The following TAB3 variants were observed in gnomAD, a reference collection of about 807,000 sequenced individuals.
The protein encoded by TAB3 is TGF-beta-activated kinase 1 and MAP3K7-binding protein 3.
TAB3 carries 18 observed loss-of-function variants against 48.1 expected under a neutral mutation model. The ratio of observed to expected loss-of-function variants is 0.37; its 90% confidence interval spans 0.26 to 0.55. The LOEUF (loss-of-function observed/expected upper bound fraction) is 0.55. Among genes scored for constraint, TAB3 ranks in the 20% least tolerant of loss-of-function variants. The probability of loss-of-function intolerance (pLI) is 0.78; values close to 1 mark genes in which losing one functional copy is unlikely to be tolerated. For missense variants in TAB3, 414 were observed against 549.8 expected, an observed-to-expected ratio of 0.75 and a Z score of 2.47; for synonymous variants, 185 against 190.2, an observed-to-expected ratio of 0.97 and a Z score of 0.22.
At chrX:30,840,149 C>A (rs1938390296) in intron 9 of TAB3, among the ~76,000 whole-genome samples, 1 of 108,864 alleles carries the variant, frequency 9.2e-6, no homozygotes, top group African/African-American at 3.3e-5. Context: ...AATTTGTGTT[C>A]TCTTTTTTTA....
chrX:30,859,794 C>T, intron 4 of TAB3, 116 bp from the exon 5 acceptor site: 1 of 410,897 alleles, frequency 2.4e-6, no homozygotes, highest in Non-Finnish European at 4.2e-6. Flanking sequence ...CTTCCACTGA[C>T]ACTCCTTCTT....
chrX:30,851,558 T>C (rs1486182022), intron 7 of TAB3, among the ~76,000 whole-genome samples: 3 of 112,220 alleles, frequency 2.7e-5, no homozygotes, highest in African/African-American at 6.5e-5. Flanking sequence ...ATGAAAGCTA[T>C]AGACCCACTT....
intron 2 of TAB3, among the ~76,000 whole-genome samples, chrX:30,870,743 T>G (rs973982869): frequency 1.8e-5 from 2 of 112,455 alleles, no homozygotes; most frequent in African/African-American, 6.5e-5. Flanking sequence ...TATTTTTGGT[T>G]GTCATACTGA....
At chrX:30,855,704 G>C in intron 5 of TAB3, 142 bp from the exon 6 acceptor site, 1 of 562,290 alleles carries the variant, frequency 1.8e-6, no homozygotes, top group African/African-American at 2.3e-5. Flanking sequence ...AAAACTTCAT[G>C]GTCATCTATC....
intron 9 of TAB3, among the ~76,000 whole-genome samples, chrX:30,838,246 G>T (rs945861122): frequency 9.1e-5 from 10 of 110,485 alleles, no homozygotes; most frequent in African/African-American, 3.3e-4. Flanking sequence ...TATAGGTGAG[G>T]CTGCAATGAG....
intron 1 of TAB3, among the ~76,000 whole-genome samples, chrX:30,886,638 C>G (rs748133996): frequency 8.9e-6 from 1 of 112,374 alleles, no homozygotes; most frequent in Admixed American, 9.4e-5. Context: ...GCAGCAAACC[C>G]CAAATTTCAA....
chrX:30,856,878 A>G lies in TAB3; in HGVS notation c.103-1316T>C, dbSNP rs191093776. On this transcript the variant is annotated intron_variant, in intron 5 of 10. Transcript: ENST00000288422. ...ACTTAACTAGTTAACAGAAAAGCCA[A>G]TTCTAGATTCTTATTCTCCTGAGTC... 6.9e-3 allele frequency among the ~76,000 whole-genome samples: 766 copies of G among 111,513 alleles called. 3 individuals are homozygous for G. Among genetic ancestry groups the G allele is most frequent in the Non-Finnish European group, 0.011 (584 of 53,005 alleles).
intron 5 of TAB3, 131 bp from the exon 6 acceptor site, chrX:30,855,693 A>G (rs965911699): frequency 4.7e-6 from 3 of 633,209 alleles, no homozygotes; most frequent in Admixed American, 4.1e-5. Context: ...TTTAACCACA[A>G]AAAACTTCAT....
intron 9 of TAB3, 92 bp from the exon 10 acceptor site, chrX:30,834,244 C>G (rs746541627): frequency 3.8e-5 from 29 of 753,882 alleles, no homozygotes; most frequent in Non-Finnish European, 5.3e-5. Flanking sequence ...GCAACCCACA[C>G]AGCTGAGTGC....
In TAB3 at chrX:30,828,794, ATTTATATC is replaced by A. The variant is rs1455652087; in HGVS notation, c.*2625_*2632del. On this transcript the variant is annotated 3_prime_UTR_variant, in exon 11 of 11. Coordinates refer to ENST00000288422, the MANE Select transcript of TAB3 (RefSeq NM_152787.5). ...CACCTCAGCAGCCAGGCGTCATCCG[ATTTATATC>A]CTACCACTTCCATGCCAATTGTCTG... 2.7e-5 allele frequency: 3 copies of A among 111,953 alleles called. No homozygotes were observed. Among genetic ancestry groups the A allele is most frequent in the African/African-American group, 9.7e-5 (3 of 30,775 alleles). The allele number at this position is 111,953 out of a possible 1,213,427, so 9.2% of individuals were successfully genotyped here.
At chrX:30,849,434 C>T (rs1398789670) in intron 7 of TAB3, among the ~76,000 whole-genome samples, 1 of 112,341 alleles carries the variant, frequency 8.9e-6, no homozygotes, top group East Asian at 2.8e-4. Context: ...GTATATACTG[C>T]CTGATAAGCA....
In TAB3 at chrX:30,831,174, TCA is replaced by T. The variant is rs1938020131; in HGVS notation, c.*251_*252del. ...TCTTGACTTCTGTGTGTACATTCTT[TCA>T]CAGAGTGAATCCTTTCCCAGTTTCA... is the stretch of plus-strand genomic sequence containing the variant. On this transcript the variant is annotated 3_prime_UTR_variant, in exon 11 of 11. Coordinates refer to ENST00000288422, the MANE Select transcript of TAB3 (RefSeq NM_152787.5). The T allele has an allele frequency of 3.3e-6, 1 of 302,498 alleles. No individual in the cohort carries two copies. 24.9% of individuals were successfully genotyped at this position (302,498 alleles called of 1,213,427 possible). A position where few individuals can be genotyped will look rare whatever the true frequency, so the allele number is the denominator to read the frequency against.
chrX:30,865,742 TG>T (rs1939384925), intron 4 of TAB3, among the ~76,000 whole-genome samples: 1 of 112,394 alleles, frequency 8.9e-6, no homozygotes, highest in Non-Finnish European at 1.9e-5. Context: ...ACTGGCTACC[TG>T]GTAAGACTCT....
chrX:30,851,558 TAG>T (rs1938850546), intron 7 of TAB3, among the ~76,000 whole-genome samples: 1 of 112,220 alleles, frequency 8.9e-6, no homozygotes, highest in Non-Finnish European at 1.9e-5. Flanking sequence ...ATGAAAGCTA[TAG>T]ACCCACTTCC....
chrX:30,870,660 A>G (rs1408787799), intron 2 of TAB3, among the ~76,000 whole-genome samples: 1 of 112,737 alleles, frequency 8.9e-6, no homozygotes, highest in Non-Finnish European at 1.9e-5. Flanking sequence ...AAGAAACTCC[A>G]CATCATCTAA....
intron 7 of TAB3, among the ~76,000 whole-genome samples, chrX:30,851,761 T>A (rs1039137793): frequency 5.4e-5 from 6 of 111,045 alleles, no homozygotes; most frequent in African/African-American, 1.6e-4. Context: ...TTAGAGAGGG[T>A]AGGAAAATGA....
At chrX:30,849,517 T>C (rs1478942597) in intron 7 of TAB3, among the ~76,000 whole-genome samples, 1 of 112,766 alleles carries the variant, frequency 8.9e-6, no homozygotes, top group Non-Finnish European at 1.9e-5. Context: ...TGGGTATTCC[T>C]ATACACAAGT....
intron 1 of TAB3, among the ~76,000 whole-genome samples, chrX:30,876,010 T>C: frequency 8.9e-6 from 1 of 111,943 alleles, no homozygotes; most frequent in Middle Eastern, 4.6e-3. Flanking sequence ...TTCTTAAAAG[T>C]GTCAAAGAGC....
rs762406825 is a variant in TAB3 at position 30,885,132 on chromosome X, C to G, written c.-383+3982G>C. On this transcript the variant is annotated intron_variant, in intron 1 of 10. Coordinates refer to ENST00000288422, the MANE Select transcript of TAB3 (RefSeq NM_152787.5). The stretch of plus-strand genomic sequence containing the variant: ...TGATCCACATAAATCTAATTCTGGA[C>G]AGCTAAAGGTGTACTATTAATACCT... Among the ~76,000 whole-genome samples the G allele has an allele frequency of 3.6e-5, 4 of 112,295 alleles. No homozygotes were observed. In the South Asian group the frequency reaches 1.5e-3, roughly 41 times the overall value.
Sources: allele counts gnomAD v4.1 joint callset (sites outside exome capture counted in the v4.1 genomes callset), GRCh38; gene constraint gnomAD v4.1.1; transcripts MANE v1.5; gene names NCBI Gene and HGNC (gene_info 2026-07-23, HGNC 2026-07-21).